ADAMTS17: variants seen among roughly 807,000 people sequenced by gnomAD.
ADAMTS17 encodes the protein A disintegrin and metalloproteinase with thrombospondin motifs 17.
In ADAMTS17, 113 loss-of-function variants were observed where a neutral mutation model predicts 141.5. That is an observed-to-expected ratio of 0.80 (90% CI 0.69 to 0.93). The LOEUF (loss-of-function observed/expected upper bound fraction) is 0.93, where lower values mean the gene tolerates loss of function less well. ADAMTS17 is among the 40% of genes least tolerant of loss of function. ADAMTS17 has a pLI of 0.00. For missense variants in ADAMTS17, 1,659 were observed against 1,517.9 expected (o/e 1.09, Z -1.54); for synonymous variants, 768 against 630.6 (o/e 1.22, Z -3.27).
intron 13 of ADAMTS17, among the ~76,000 whole-genome samples, chr15:100,115,208 C>T (rs985916956): frequency 1.3e-5 from 2 of 152,184 alleles, no homozygotes; most frequent in Non-Finnish European, 2.9e-5. Context: ...TCTGCGTGTG[C>T]CTGACACAGC....
chr15:100,211,571 G>A (rs930569991), intron 7 of ADAMTS17, among the ~76,000 whole-genome samples: 2 of 152,048 alleles, frequency 1.3e-5, no homozygotes, highest in Non-Finnish European at 1.5e-5. Context: ...GAGTAGCAAA[G>A]AATTTTTAAA....
intron 7 of ADAMTS17, among the ~76,000 whole-genome samples, chr15:100,215,973 G>C (rs939051739): frequency 2.0e-5 from 3 of 152,152 alleles, no homozygotes; most frequent in African/African-American, 7.2e-5. Flanking sequence ...CAGCTCCCTT[G>C]GCCATTCTTG....
intron 10 of ADAMTS17, among the ~76,000 whole-genome samples, chr15:100,139,305 A>T (rs1009691209): frequency 6.6e-6 from 1 of 152,220 alleles, no homozygotes; most frequent in Non-Finnish European, 1.5e-5. Flanking sequence ...TTTTCTAAGA[A>T]TGTGTAAGTG....
chr15:100,245,755 A>G (rs1257572296), intron 7 of ADAMTS17, among the ~76,000 whole-genome samples: 1 of 152,150 alleles, frequency 6.6e-6, no homozygotes, highest in Non-Finnish European at 1.5e-5. Flanking sequence ...AGGATCTAAC[A>G]AGCGCTGGTA....
chr15:100,209,379 G>C (rs2041713206), intron 7 of ADAMTS17, among the ~76,000 whole-genome samples: 1 of 152,122 alleles, frequency 6.6e-6, no homozygotes, highest in Non-Finnish European at 1.5e-5. Flanking sequence ...GCCAGCTCCT[G>C]AGTTCAAGTC....
intron 10 of ADAMTS17, among the ~76,000 whole-genome samples, chr15:100,141,691 C>T (rs180689239): frequency 6.6e-6 from 1 of 152,132 alleles, no homozygotes; most frequent in South Asian, 2.1e-4. Flanking sequence ...AGGGTGGGGC[C>T]CAGGACTTCA....
chr15:100,207,404 G>A (rs2041616667), intron 7 of ADAMTS17, among the ~76,000 whole-genome samples: 1 of 152,076 alleles, frequency 6.6e-6, no homozygotes, highest in Admixed American at 6.5e-5. Context: ...TATAAGAGGA[G>A]CTCTAAACAA....
At chr15:100,032,331 C>G (rs368609498) in intron 18 of ADAMTS17, among the ~76,000 whole-genome samples, 12 of 152,302 alleles carry the variant, frequency 7.9e-5, no homozygotes, top group African/African-American at 2.9e-4. Flanking sequence ...CAAATCTCCC[C>G]AGGTCTCCTG....
intron 3 of ADAMTS17, among the ~76,000 whole-genome samples, chr15:100,299,952 A>G (rs2044970145): frequency 6.6e-6 from 1 of 152,248 alleles, no homozygotes; most frequent in South Asian, 2.1e-4. Context: ...GAAGGGCACC[A>G]GGAACACAGG....
rs1411188948 is a variant in ADAMTS17, at chr15:99,974,115, G to A, written c.*287C>T. On this transcript the variant is annotated 3_prime_UTR_variant, in exon 22 of 22. Coordinates refer to ENST00000268070, the MANE Select transcript of ADAMTS17 (RefSeq NM_139057.4). ...CACTAAATGATGTCTCTCTCTTGAC[G>A]GTTGTCTGCCAGAGGTGCTTCCCTT... 1.6e-5 allele frequency: 8 copies of A among 499,834 alleles called. No homozygotes were observed. Among genetic ancestry groups the A allele is most frequent in the South Asian group, 4.1e-5 (2 of 48,358 alleles). 31.0% of individuals were successfully genotyped at this position (499,834 alleles called of 1,614,324 possible). A position where few individuals can be genotyped will look rare whatever the true frequency, so the allele number is the denominator to read the frequency against.
chr15:100,011,751 G>C (rs2061187974), intron 18 of ADAMTS17, among the ~76,000 whole-genome samples: 1 of 152,202 alleles, frequency 6.6e-6, no homozygotes, highest in African/African-American at 2.4e-5. Context: ...TGGCCAAGTA[G>C]TATTCCATCA....
intron 7 of ADAMTS17, among the ~76,000 whole-genome samples, chr15:100,236,927 A>G (rs1386320790): frequency 1.3e-5 from 2 of 152,100 alleles, no homozygotes; most frequent in Admixed American, 1.3e-4. Flanking sequence ...CTGTCACAGG[A>G]GGGAACTCTA....
chr15:100,207,583 T>C (rs2041625253), intron 7 of ADAMTS17, among the ~76,000 whole-genome samples: 1 of 152,170 alleles, frequency 6.6e-6, no homozygotes, highest in African/African-American at 2.4e-5. Context: ...AACAAGGAAC[T>C]GATCTGGAAA....
intron 17 of ADAMTS17, 66 bp downstream of exon 17, chr15:100,051,506 C>T (rs2032141391): frequency 2.5e-6 from 4 of 1,608,340 alleles, no homozygotes; most frequent in South Asian, 1.1e-5. Context: ...GTGCTGGCCA[C>T]AGATGCCTTT....
intron 7 of ADAMTS17, among the ~76,000 whole-genome samples, chr15:100,211,670 A>G (rs188776992): frequency 2.9e-4 from 44 of 152,368 alleles, no homozygotes; most frequent in African/African-American, 1.0e-3. Flanking sequence ...AAGGTACCAT[A>G]AACAAAGGTA....
At chr15:100,248,068 C>T (rs764670331) in intron 7 of ADAMTS17, among the ~76,000 whole-genome samples, 6 of 152,224 alleles carry the variant, frequency 3.9e-5, no homozygotes, top group South Asian at 4.1e-4. Context: ...AAGCCACAGC[C>T]GCTGGGCCCC....
intron 8 of ADAMTS17, among the ~76,000 whole-genome samples, chr15:100,185,107 A>G (rs1264439638): frequency 6.6e-6 from 1 of 152,224 alleles, no homozygotes; most frequent in Non-Finnish European, 1.5e-5. Context: ...GGCTATGGAC[A>G]TAGTGGTCAG....
intron 14 of ADAMTS17, among the ~76,000 whole-genome samples, chr15:100,099,784 C>T (rs893197267): frequency 6.6e-6 from 1 of 152,058 alleles, no homozygotes; most frequent in Admixed American, 6.6e-5. Context: ...GGGAAAAGCA[C>T]AAGTTCTTCA....
At chr15:100,186,398 T>C (rs952930982) in intron 8 of ADAMTS17, among the ~76,000 whole-genome samples, 13 of 152,150 alleles carry the variant, frequency 8.5e-5, no homozygotes, top group African/African-American at 3.1e-4. Flanking sequence ...TAGGATGGGG[T>C]GAAAATGAAA....
Sources: allele counts gnomAD v4.1 joint callset (sites outside exome capture counted in the v4.1 genomes callset), GRCh38; gene constraint gnomAD v4.1.1; transcripts MANE v1.5; gene names NCBI Gene and HGNC (gene_info 2026-07-23, HGNC 2026-07-21).